The following LMBR1L variants were observed in gnomAD, a reference collection of about 807,000 sequenced individuals.
LMBR1L encodes the protein protein LMBR1L.
LMBR1L carries 47 observed loss-of-function variants against 67.3 expected under a neutral mutation model. The ratio of observed to expected loss-of-function variants is 0.70; its 90% confidence interval spans 0.55 to 0.89. The LOEUF is 0.89. Ranked by LOEUF, LMBR1L falls within the 40% of genes least tolerant of loss-of-function variation. The pLI, the probability that LMBR1L is intolerant of heterozygous loss-of-function variation, is 0.00. For missense variants in LMBR1L, 533 were observed against 599.2 expected, an observed-to-expected ratio of 0.89 and a Z score of 1.15; for synonymous variants, 247 against 250.3, an observed-to-expected ratio of 0.99 and a Z score of 0.13.
Position 49,104,569 on chromosome 12 carries a change from G to A in LMBR1L, c.332-18C>T, listed in dbSNP as rs2120997500. On this transcript the variant is annotated intron_variant, in intron 4 of 16. Coordinates refer to ENST00000267102, the MANE Select transcript of LMBR1L (RefSeq NM_018113.4). ...CCAGAGGCCTAGAGCAAAAAAGGAAGAGCAGAAGTGGTCAGTAAGGGGAGG... is the reference window on the plus strand; with the variant it reads ...CCAGAGGCCTAGAGCAAAAAAGGAAAAGCAGAAGTGGTCAGTAAGGGGAGG... The A allele has an allele frequency of 6.2e-7, 1 of 1,602,444 alleles. No individual in the cohort carries two copies. The highest frequency in any genetic ancestry group is 8.6e-7 in the Non-Finnish European group (1 of 1,169,516).
intron 1 of LMBR1L, chr12:49,109,944 C>T: frequency 4.8e-6 from 2 of 417,358 alleles, no homozygotes. Context: ...CTTGGTTGTT[C>T]CTCATCTCTA....
intron 6 of LMBR1L, 73 bp downstream of exon 6, chr12:49,103,614 T>C (rs1307442091): frequency 6.5e-7 from 1 of 1,534,174 alleles, no homozygotes; most frequent in Non-Finnish European, 8.8e-7. Context: ...TTTAGAAGGT[T>C]ACAGTCATTC....
At chr12:49,101,692 G>A (rs1454317675) in intron 11 of LMBR1L, 143 bp from the exon 12 acceptor site, 2 of 624,988 alleles carry the variant, frequency 3.2e-6, no homozygotes, top group Non-Finnish European at 5.7e-6. Flanking sequence ...CCTCATCAAG[G>A]CTGCTATTAG....
intron 15 of LMBR1L, among the ~76,000 whole-genome samples, chr12:49,099,762 G>A (rs765081292): frequency 6.6e-5 from 10 of 152,088 alleles, no homozygotes; most frequent in Non-Finnish European, 1.5e-4. Flanking sequence ...TGTATTTTTA[G>A]TAGAGATGGG....
intron 16 of LMBR1L, 28 bp from the exon 17 acceptor site, chr12:49,097,767 A>G: frequency 6.2e-7 from 1 of 1,613,874 alleles, no homozygotes; most frequent in South Asian, 1.1e-5. Flanking sequence ...GGCAGTCAAA[A>G]GCAAGTCAAA....
intron 1 of LMBR1L, among the ~76,000 whole-genome samples, chr12:49,108,587 G>T (rs372872218): frequency 1.6e-5 from 2 of 121,626 alleles, no homozygotes; most frequent in Admixed American, 8.4e-5. Flanking sequence ...AAAAAAAAAA[G>T]GCCGTGTGTG....
chr12:49,100,847 C>T, intron 13 of LMBR1L: 1 of 590,316 alleles, frequency 1.7e-6, no homozygotes, highest in Non-Finnish European at 3.0e-6. Flanking sequence ...CCCACGTCAG[C>T]CTCCCACGTA....
chr12:49,109,966 C>G (rs1187205422), intron 1 of LMBR1L: 1 of 449,390 alleles, frequency 2.2e-6, no homozygotes, highest in Non-Finnish European at 4.5e-6. Flanking sequence ...ATATTAGGAT[C>G]CACCCCAGCA....
In LMBR1L at chr12:49,097,927, C is replaced by G; in HGVS notation, c.1402+17G>C. 1 of 1,605,664 alleles carries G rather than the reference C, an allele frequency of 6.2e-7. No individual in the cohort carries two copies. Among genetic ancestry groups the G allele is most frequent in the Non-Finnish European group, 8.5e-7 (1 of 1,173,482 alleles). ...GATTACCACCCCCCACTAGCCTGCA[C>G]CCTCACTCCCTCTCACCAAAGGCCC... On this transcript the variant is annotated intron_variant, in intron 16 of 16. Coordinates refer to ENST00000267102, the MANE Select transcript of LMBR1L (RefSeq NM_018113.4).
At chr12:49,098,245 T>G in intron 15 of LMBR1L, 140 bp from the exon 16 acceptor site, 1 of 874,506 alleles carries the variant, frequency 1.1e-6, no homozygotes. Context: ...CCACCCAAGC[T>G]GTCTCAAGAG....
Position 49,103,764 on chromosome 12 carries a change from G to A in LMBR1L, c.485C>T (p.Thr162Ile). The A allele has an allele frequency of 6.2e-7, 1 of 1,614,098 alleles. No homozygotes were observed. Among genetic ancestry groups the A allele is most frequent in the Non-Finnish European group, 8.5e-7 (1 of 1,179,996 alleles). Residue 162 changes from threonine to isoleucine, a missense_variant, in exon 6 of 17, where the codon ACT (threonine) becomes ATT (isoleucine). Transcript: ENST00000267102. The stretch of plus-strand genomic sequence containing the variant: ...CCACACCATACCTAGCACCAGCAGA[G>A]TGAGGAGCATCAACATCACCACTGT... ...YETVVMLMLLTLLVLGMVWVA... is the reference protein window; with the variant it reads ...YETVVMLMLLILLVLGMVWVA...
At position 49,102,052 on chromosome 12, in the gene LMBR1L, TC is replaced by T; in HGVS notation, c.930+67del. On this transcript the variant is annotated intron_variant, in intron 11 of 16. Transcript: ENST00000267102. The stretch of plus-strand genomic sequence containing the variant: ...ATGATAACCAGGTCCCTGCATTGCC[TC>T]CCCTCTCCCTGAGAAGGCCTCAAGT... 3.6e-6 allele frequency: 5 copies of T among 1,382,266 alleles called. No homozygotes were observed. In the South Asian group the frequency reaches 4.7e-5, roughly 13 times the overall value. 85.6% of individuals were successfully genotyped at this position (1,382,266 alleles called of 1,614,324 possible).
At chr12:49,103,046 G>C in intron 7 of LMBR1L, 45 bp downstream of exon 7, 3 of 1,608,776 alleles carry the variant, frequency 1.9e-6, no homozygotes, top group Non-Finnish European at 2.6e-6. Flanking sequence ...TGGTTACTCT[G>C]GTCCAAGGAC....
At chr12:49,110,370 G>T in intron 1 of LMBR1L, 114 bp downstream of exon 1, 1 of 1,011,748 alleles carries the variant, frequency 9.9e-7, no homozygotes, top group Non-Finnish European at 1.5e-6. Context: ...GGCCTCCGTC[G>T]CCCGCCGCTG....
rs758112342 is a variant in LMBR1L at position 49,102,514 on chromosome 12, C to G, written c.723G>C (p.Leu241=). ...PRLLEDLEEQ[L]YCSAFEEAAL... is the part of the protein sequence containing the mutation. ...CTGCCTCCTCAAAGGCTGAGCAGTA[C>G]AGCTGCTCCTCCAGGTCTTCCAGCA... Residue 241 remains leucine (L), a synonymous_variant, in exon 9 of 17, where the codon CTG becomes CTC. Transcript: ENST00000267102. 9.3e-6 allele frequency: 15 copies of G among 1,614,026 alleles called. No individual in the cohort carries two copies. The highest frequency in any genetic ancestry group is 9.3e-6 in the Non-Finnish European group (11 of 1,180,012).
Position 49,110,519 on chromosome 12 carries a change from C to T in LMBR1L, c.37G>A (p.Glu13Lys). The T allele has an allele frequency of 1.2e-6, 2 of 1,614,112 alleles. No individual in the cohort carries two copies. The change falls in exon 1 of 17, where the codon GAA (glutamate) becomes AAA (lysine). Residue 13 changes from glutamate (E) to lysine (K), a missense_variant. Physicochemically the swap from Glu to Lys is moderately conservative, Grantham distance 56. This residue lies in a region of LMBR1L where 246 missense variants were observed against 249.0 expected (regional missense o/e 0.99). Coordinates refer to ENST00000267102, the MANE Select transcript of LMBR1L (RefSeq NM_018113.4). ...CGGATCCTCTCGTGGAATAGCTGTT[C>T]TCGCACGGATAGCACTTCGTAGTCA... Reference protein sequence around the residue: ...APDYEVLSVREQLFHERIREC... With the variant: ...APDYEVLSVRKQLFHERIREC...
In LMBR1L at chr12:49,104,748, T is replaced by C. The variant is rs1370367488; in HGVS notation, c.329A>G (p.His110Arg). 13 of 1,613,142 alleles carry C rather than the reference T, an allele frequency of 8.1e-6. No individual in the cohort carries two copies. The highest frequency in any genetic ancestry group is 1.1e-5 in the Non-Finnish European group (13 of 1,179,652). Reference sequence around the variant, plus strand: ...AGCAGCTTCCAGGAGCCACACACCATGGATGAGGGAGCCGTTGAGCCACTG... The same window carrying C: ...AGCAGCTTCCAGGAGCCACACACCACGGATGAGGGAGCCGTTGAGCCACTG... Reference protein sequence around the residue: ...YIQWLNGSLIHGLWNLVFLFS... With the variant: ...YIQWLNGSLIRGLWNLVFLFS... Residue 110 changes from histidine (H) to arginine (R), a missense_variant and splice_region_variant, in exon 4 of 17, where the codon CAT becomes CGT. Coordinates refer to ENST00000267102, the MANE Select transcript of LMBR1L (RefSeq NM_018113.4).
At position 49,101,523 on chromosome 12, in the gene LMBR1L, G is replaced by A. The variant is rs770638899; in HGVS notation, c.957C>T (p.Ile319=). ...CATCGATGAGCAGCTCCAGGATGTG[G>A]ATGGCCACAATGAGCACAGACAGGC... The part of the protein sequence containing the change: ...LTGLSVLIVA[I]HILELLIDEA... Residue 319 remains isoleucine, a synonymous_variant, in exon 12 of 17, where the codon ATC becomes ATT. Transcript: ENST00000267102. The A allele has an allele frequency of 6.8e-6, 11 of 1,613,762 alleles. No individual in the cohort carries two copies. The highest frequency in any genetic ancestry group is 9.3e-6 in the Non-Finnish European group (11 of 1,179,886).
chr12:49,101,426 TTC>T (rs1412842456), intron 12 of LMBR1L, 44 bp downstream of exon 12: 4 of 1,608,574 alleles, frequency 2.5e-6, no homozygotes, highest in Non-Finnish European at 3.4e-6. Context: ...TCCCCAGCTG[TTC>T]TTAGGCCCTC....
Sources: allele counts gnomAD v4.1 joint callset (sites outside exome capture counted in the v4.1 genomes callset), GRCh38; gene constraint gnomAD v4.1.1; regional missense constraint gnomAD v4.1.1; transcripts MANE v1.5; gene names NCBI Gene and HGNC (gene_info 2026-07-23, HGNC 2026-07-21).